The following PKHD1 variants were observed in gnomAD, a reference collection of about 807,000 sequenced individuals.
PKHD1 encodes PKHD1 ciliary IPT domain containing fibrocystin/polyductin.
A neutral mutation model predicts 412.0 loss-of-function variants in PKHD1; 291 were observed. The ratio of observed to expected loss-of-function variants is 0.71; its 90% CI spans 0.64 to 0.78. The LOEUF is 0.78. PKHD1 is among the 30% of genes least tolerant of loss of function. The pLI, the probability that PKHD1 is intolerant of heterozygous loss-of-function variation, is 0.00. For synonymous variants in PKHD1, 1,777 were observed against 1,821.5 expected, an observed-to-expected ratio of 0.98 and a Z score of 0.62; for missense variants, 4,825 against 4,950.7, an observed-to-expected ratio of 0.97 and a Z score of 0.76.
chr6:52,047,028 G>A (rs754893319), intron 23 of PKHD1, among the ~76,000 whole-genome samples: 2 of 152,178 alleles, frequency 1.3e-5, no homozygotes, highest in African/African-American at 4.8e-5. Flanking sequence ...AAACGAAATT[G>A]TTATCCTTTT....
intron 58 of PKHD1, 121 bp downstream of exon 58, chr6:51,747,666 G>A (rs1160805530): frequency 2.4e-6 from 2 of 821,914 alleles, no homozygotes; most frequent in African/African-American, 1.7e-5. Context: ...TACTCAGCAG[G>A]TTGGACAGCA....
chr6:51,854,725 T>A (rs1177347674), intron 49 of PKHD1, among the ~76,000 whole-genome samples: 1 of 152,230 alleles, frequency 6.6e-6, no homozygotes, highest in African/African-American at 2.4e-5. Flanking sequence ...CAGCCACAGC[T>A]GGTATGTTGG....
chr6:51,870,421 T>A, intron 47 of PKHD1, 83 bp downstream of exon 47: 1 of 1,130,824 alleles, frequency 8.8e-7, no homozygotes, highest in Non-Finnish European at 1.3e-6. Context: ...AGATAATGAT[T>A]CACAAAGTAT....
intron 57 of PKHD1, among the ~76,000 whole-genome samples, chr6:51,751,794 C>G (rs957137077): frequency 6.6e-6 from 1 of 152,104 alleles, no homozygotes; most frequent in Non-Finnish European, 1.5e-5. Flanking sequence ...GGCAATTGTA[C>G]TATAGACTCT....
In PKHD1 at chr6:52,050,314, A is replaced by G. The variant is rs1806612256; in HGVS notation, c.2141-19T>C. 1.2e-6 allele frequency: 2 copies of G among 1,613,738 alleles called. No individual in the cohort carries two copies. Among genetic ancestry groups the G allele is most frequent in the African/African-American group, 1.3e-5 (1 of 74,908 alleles). On this transcript the variant is annotated intron_variant, in intron 21 of 66. Coordinates refer to ENST00000371117, the MANE Select transcript of PKHD1 (RefSeq NM_138694.4). Reference sequence around the variant, plus strand: ...TGAGAAACTAGAGACCAGTGATCCAATTACTATCAAGTGACTTAAGATGGT... The same window carrying G: ...TGAGAAACTAGAGACCAGTGATCCAGTTACTATCAAGTGACTTAAGATGGT...
Position 51,895,815 on chromosome 6 carries a change from G to A in PKHD1, c.6996+7782C>T, listed in dbSNP as rs555044032. ...GCGCAGGTCAGTGGGTGCGCCCACC[G>A]TGCACAAGCCGAAGCAGGGTGAGGC... is the stretch of plus-strand genomic sequence containing the variant. On this transcript the variant is annotated intron_variant, in intron 43 of 66. Coordinates refer to ENST00000371117, the MANE Select transcript of PKHD1 (RefSeq NM_138694.4). Among the ~76,000 whole-genome samples, 42 of 152,126 alleles carry A rather than the reference G, an allele frequency of 2.8e-4. 1 individual carries two copies. The highest frequency in any genetic ancestry group is 2.5e-3 in the South Asian group (12 of 4,818).
At chr6:51,954,702 C>A (rs1790854270) in intron 36 of PKHD1, among the ~76,000 whole-genome samples, 1 of 151,632 alleles carries the variant, frequency 6.6e-6, no homozygotes, top group Non-Finnish European at 1.5e-5. Flanking sequence ...TATAGTCAAA[C>A]AAATTAGCAT....
intron 50 of PKHD1, among the ~76,000 whole-genome samples, chr6:51,840,444 C>T (rs7745713): frequency 0.052 from 7,990 of 152,212 alleles, 222 homozygotes; most frequent in South Asian, 0.064. Context: ...GACACCAACA[C>T]ATATATCTGC....
At position 51,746,882 on chromosome 6, in the gene PKHD1, G is replaced by A. The variant is rs763551387; in HGVS notation, c.9837C>T (p.Thr3279=). 9 of 1,592,586 alleles carry A rather than the reference G, an allele frequency of 5.7e-6. No homozygotes were observed. The highest frequency in any genetic ancestry group is 1.7e-5 in the Admixed American group (1 of 59,292). ...ISGIMKLQDV[T]FSSFVKSCYS... ...AGCAACTCTTCACAAAACTAGAAAA[G>A]GTAACATCTGAAATTTTAAAAATAT... is the stretch of plus-strand genomic sequence containing the variant. Residue 3279 remains threonine, a synonymous_variant, in exon 59 of 67, where the codon ACC becomes ACT. Coordinates refer to ENST00000371117, the MANE Select transcript of PKHD1 (RefSeq NM_138694.4).
chr6:51,920,508 T>C (rs1192830420), intron 37 of PKHD1, among the ~76,000 whole-genome samples: 3 of 152,224 alleles, frequency 2.0e-5, no homozygotes. Context: ...CTTTTTGATG[T>C]GCTGCTGGAT....
chr6:51,900,995 A>C (rs539904724), intron 43 of PKHD1, among the ~76,000 whole-genome samples: 1 of 151,008 alleles, frequency 6.6e-6, no homozygotes, highest in African/African-American at 2.4e-5. Flanking sequence ...TTAGAATGGC[A>C]ATCATTAAAA....
chr6:52,076,262 A>G lies in PKHD1; in HGVS notation c.448+14T>C. 1.9e-6 allele frequency: 3 copies of G among 1,576,624 alleles called. No individual in the cohort carries two copies. The highest frequency in any genetic ancestry group is 2.6e-6 in the Non-Finnish European group (3 of 1,145,802). On this transcript the variant is annotated intron_variant, in intron 6 of 66. Coordinates refer to ENST00000371117, the MANE Select transcript of PKHD1 (RefSeq NM_138694.4). ...GATTCACAATTATTCCTATTTTAAT[A>G]GAAGATTTCTTACCTGGAACACCAC...
chr6:52,054,340 G>A (rs886337443), intron 19 of PKHD1, among the ~76,000 whole-genome samples, 175 bp from the exon 20 acceptor site: 2 of 152,054 alleles, frequency 1.3e-5, no homozygotes, highest in African/African-American at 4.8e-5. Flanking sequence ...AACTTAAATT[G>A]TTATTTCCCT....
intron 43 of PKHD1, among the ~76,000 whole-genome samples, chr6:51,895,959 C>G (rs956385717): frequency 6.6e-6 from 1 of 152,062 alleles, no homozygotes; most frequent in East Asian, 1.9e-4. Flanking sequence ...GCTTTTCCGA[C>G]GGGCTTAAAA....
intron 62 of PKHD1, among the ~76,000 whole-genome samples, chr6:51,648,710 T>C (rs1439210395): frequency 3.9e-5 from 6 of 152,332 alleles, no homozygotes; most frequent in Admixed American, 3.3e-4. Flanking sequence ...AACGTAAAAC[T>C]GTAATGTATC....
rs556328602 is a variant in PKHD1 at position 51,722,138 on chromosome 6, C to T, written c.10156+22247G>A. The stretch of plus-strand genomic sequence containing the variant: ...GCATCCAAATGAAAATACCCCACAC[C>T]TTGTAATATCCGAGCTCTTTACTCA... On this transcript the variant is annotated intron_variant, in intron 60 of 66. Coordinates refer to ENST00000371117, the MANE Select transcript of PKHD1 (RefSeq NM_138694.4). 66 of 1,538,582 alleles carry T rather than the reference C, an allele frequency of 4.3e-5. No individual in the cohort carries two copies. In the Middle Eastern group the frequency reaches 1.2e-3, roughly 28 times the overall value.
Position 52,060,048 on chromosome 6 carries a change from A to G in PKHD1, c.1119-6T>C. The G allele has an allele frequency of 6.6e-7, 1 of 1,520,558 alleles. No individual in the cohort carries two copies. The highest frequency in any genetic ancestry group is 9.1e-7 in the Non-Finnish European group (1 of 1,094,434). The allele number at this position is 1,520,558 out of a possible 1,614,324, so 94.2% of individuals were successfully genotyped here. A position where few individuals can be genotyped will look rare whatever the true frequency, so the allele number is the denominator to read the frequency against. ...AGAACCCACTGAGCCGTGCTCTGTA[A>G]AGTAGAACATAGAGTCAAGCAAGAG... is the stretch of plus-strand genomic sequence containing the variant. On this transcript the variant is annotated splice_region_variant and splice_polypyrimidine_tract_variant and intron_variant, in intron 14 of 66. Coordinates refer to ENST00000371117, the MANE Select transcript of PKHD1 (RefSeq NM_138694.4).
chr6:51,932,479 T>C (rs1375786594), intron 37 of PKHD1, among the ~76,000 whole-genome samples: 1 of 152,242 alleles, frequency 6.6e-6, no homozygotes, highest in East Asian at 1.9e-4. Flanking sequence ...ATCTATGGGC[T>C]GGCTGAACCA....
In PKHD1 at chr6:52,083,202, T is replaced by C. The variant is rs758858303; in HGVS notation, c.106A>G (p.Thr36Ala). ...CCATCAAAAATGACTGTGATCCACGTTCCCCCTGCAAGGCTACCTTCTTCA... is the reference window on the plus strand; with the variant it reads ...CCATCAAAAATGACTGTGATCCACGCTCCCCCTGCAAGGCTACCTTCTTCA... The part of the protein sequence containing the change: ...EPEEGSLAGG[T>A]WITVIFDGLE... The change falls in exon 3 of 67, where the codon ACG (threonine) becomes GCG (alanine). Residue 36 changes from threonine to alanine, a missense_variant. Coordinates refer to ENST00000371117, the MANE Select transcript of PKHD1 (RefSeq NM_138694.4). 6.2e-7 allele frequency: 1 copy of C among 1,611,100 alleles called. No individual in the cohort carries two copies. The highest frequency in any genetic ancestry group is 8.5e-7 in the Non-Finnish European group (1 of 1,177,298).
Sources: allele counts gnomAD v4.1 joint callset (sites outside exome capture counted in the v4.1 genomes callset), GRCh38; gene constraint gnomAD v4.1.1; transcripts MANE v1.5; gene names NCBI Gene and HGNC (gene_info 2026-07-23, HGNC 2026-07-21).